Variants in PCDHA2 observed in about 807,000 individuals in gnomAD.
The protein encoded by PCDHA2 is protocadherin alpha-2.
A neutral mutation model predicts 66.0 loss-of-function variants in PCDHA2; 58 were observed. The observed-to-expected ratio is 0.88, with a 90% CI of 0.71 to 1.09. The LOEUF (loss-of-function observed/expected upper bound fraction) is 1.09. Among genes scored for constraint, PCDHA2 ranks in the 50% least tolerant of loss-of-function variants. PCDHA2 has a pLI of 0.00. For missense variants in PCDHA2, 1,267 were observed against 1,242.3 expected (o/e 1.02, Z -0.30); for synonymous variants, 634 against 554.0 (o/e 1.14, Z -2.03).
Position 140,884,599 on chromosome 5 carries a change from T to C in PCDHA2, c.2388+87247T>C, listed in dbSNP as rs1490825306. 3 of 1,614,042 alleles carry C rather than the reference T, an allele frequency of 1.9e-6. No homozygotes were observed. In the East Asian group the frequency reaches 6.7e-5, roughly 36 times the overall value. ...TCATGGCCTTCAGTCCCAGCCTTCC[T>C]CCTTGTCTGGGTTCTGCAGAGGGAA... On this transcript the variant is annotated intron_variant, in intron 1 of 3. Transcript: ENST00000526136.
chr5:140,939,967 C>T (rs527732118), intron 1 of PCDHA2, among the ~76,000 whole-genome samples: 8 of 152,210 alleles, frequency 5.3e-5, no homozygotes, highest in African/African-American at 1.7e-4. Context: ...AAGTGTTCCA[C>T]GATGAATAGT....
intron 1 of PCDHA2, chr5:140,849,998 G>C (rs1331024860): frequency 6.3e-7 from 1 of 1,597,138 alleles, no homozygotes; most frequent in Admixed American, 1.7e-5. Context: ...GGTTGGGCGA[G>C]CGCTCGCTGT....
chr5:140,902,615 G>C (rs2153477614), intron 1 of PCDHA2, among the ~76,000 whole-genome samples: 1 of 152,128 alleles, frequency 6.6e-6, no homozygotes, highest in Admixed American at 6.6e-5. Context: ...AGTTACATGG[G>C]TAAGTTATTT....
chr5:140,963,151 A>G (rs544176369), intron 1 of PCDHA2, among the ~76,000 whole-genome samples: 2 of 152,326 alleles, frequency 1.3e-5, no homozygotes, highest in South Asian at 4.1e-4. Context: ...ATGAATTTAA[A>G]AATGACACAT....
chr5:140,893,338 T>C (rs1409461265), intron 1 of PCDHA2, among the ~76,000 whole-genome samples: 1 of 152,174 alleles, frequency 6.6e-6, no homozygotes, highest in African/African-American at 2.4e-5. Context: ...TTTTCCTTAG[T>C]GGCAGTGCTA....
chr5:140,828,587 TCCATCTTAA>T, intron 1 of PCDHA2: 1 of 1,614,236 alleles, frequency 6.2e-7, no homozygotes, highest in African/African-American at 1.3e-5. Flanking sequence ...TGGCTCAAAT[TCCATCTTAA>T]CCTATAAACT....
chr5:140,897,726 A>T (rs149995278), intron 1 of PCDHA2, among the ~76,000 whole-genome samples: 22,632 of 152,088 alleles, frequency 0.15, 1,739 homozygotes, highest in Middle Eastern at 0.2. Flanking sequence ...GCTGGGTCAA[A>T]TAGTATTTCT....
At chr5:140,849,515 T>A (rs1400528164) in intron 1 of PCDHA2, 1 of 1,596,878 alleles carries the variant, frequency 6.3e-7, no homozygotes, top group Non-Finnish European at 8.6e-7. Flanking sequence ...TTGTGGAAGT[T>A]GTGGATGTAA....
At chr5:140,965,288 T>C (rs1020237812) in intron 1 of PCDHA2, among the ~76,000 whole-genome samples, 5 of 152,216 alleles carry the variant, frequency 3.3e-5, no homozygotes, top group Non-Finnish European at 7.3e-5. Flanking sequence ...CATGGAAAGA[T>C]TTCCTCTGAT....
intron 1 of PCDHA2, chr5:140,812,974 T>C (rs1202280852): frequency 6.6e-6 from 1 of 152,262 alleles, no homozygotes; most frequent in Admixed American, 6.5e-5. Flanking sequence ...TATTGATTTC[T>C]AGTTTTATTC....
chr5:140,955,156 G>A (rs556311036), intron 1 of PCDHA2, among the ~76,000 whole-genome samples: 25 of 152,262 alleles, frequency 1.6e-4, no homozygotes, highest in East Asian at 3.9e-4. Context: ...TACCAGTACC[G>A]TGCTGTTTTG....
intron 3 of PCDHA2, among the ~76,000 whole-genome samples, chr5:140,997,754 G>A (rs1450156263): frequency 6.6e-6 from 1 of 151,922 alleles, no homozygotes; most frequent in Non-Finnish European, 1.5e-5. Context: ...ATCTTCTTGA[G>A]TAAGGATATA....
intron 1 of PCDHA2, chr5:140,842,871 T>A (rs1554139485): frequency 4.4e-6 from 7 of 1,593,666 alleles, no homozygotes; most frequent in Middle Eastern, 2.1e-4. Context: ...AGCGGCAAGG[T>A]GTACGCGCTG....
At position 140,796,342 on chromosome 5, in the gene PCDHA2, T is replaced by C; in HGVS notation, c.1378T>C (p.Tyr460His). 1.2e-6 allele frequency: 2 copies of C among 1,608,734 alleles called. No individual in the cohort carries two copies. Among genetic ancestry groups the C allele is most frequent in the East Asian group, 2.2e-5 (1 of 44,486 alleles). ...DNAPAFAQPEYTVFVKENNPP... is the reference protein window; with the variant it reads ...DNAPAFAQPEHTVFVKENNPP... ...CGCGCCGGCGTTCGCACAGCCTGAG[T>C]ACACAGTATTCGTGAAGGAGAACAA... The change falls in exon 1 of 4, where the codon TAC becomes CAC. Residue 460 changes from tyrosine (Y) to histidine (H), a missense_variant. Transcript: ENST00000526136.
At chr5:140,919,376 CAT>C (rs1245050758) in intron 1 of PCDHA2, among the ~76,000 whole-genome samples, 1 of 152,192 alleles carries the variant, frequency 6.6e-6, no homozygotes, top group Non-Finnish European at 1.5e-5. Context: ...GCAGACAACA[CAT>C]AGTTGGATGT....
chr5:140,819,030 T>C (rs1554127593), intron 1 of PCDHA2, among the ~76,000 whole-genome samples: 1 of 152,240 alleles, frequency 6.6e-6, no homozygotes, highest in Admixed American at 6.5e-5. Flanking sequence ...TTTTAGCACA[T>C]TCCCTTATAG....
intron 1 of PCDHA2, chr5:140,884,440 G>T: frequency 1.2e-6 from 2 of 1,613,830 alleles, no homozygotes; most frequent in Non-Finnish European, 1.7e-6. Flanking sequence ...TGCGGTGCTC[G>T]GCACCGCCCA....
chr5:140,830,242 G>A, intron 1 of PCDHA2: 1 of 1,613,960 alleles, frequency 6.2e-7, no homozygotes, highest in Non-Finnish European at 8.5e-7. Context: ...CGCTACTGCT[G>A]TACACAGCGC....
intron 1 of PCDHA2, among the ~76,000 whole-genome samples, chr5:140,799,566 T>G (rs1350709989): frequency 6.6e-6 from 1 of 152,116 alleles, no homozygotes; most frequent in Non-Finnish European, 1.5e-5. Context: ...AGAAATTATG[T>G]AAGTTTGATA....
Sources: gnomAD v4.1 joint callset for allele counts (sites outside exome capture counted in the v4.1 genomes callset) on GRCh38, gnomAD v4.1.1 for gene constraint, MANE v1.5 for transcripts, NCBI Gene and HGNC (gene_info 2026-07-23, HGNC 2026-07-21) for gene names.